Variants in SLC25A48 observed in about 807,000 individuals in gnomAD.
SLC25A48 encodes CTC-321K16.1.
Under a neutral mutation model 32.2 loss-of-function variants are expected in SLC25A48, and 29 were observed. That is an observed-to-expected ratio of 0.90 (90% CI 0.67 to 1.23). SLC25A48 has a LOEUF of 1.23. Among genes scored for constraint, SLC25A48 ranks in the 50% most tolerant of loss-of-function variants. The pLI is 0.00. For synonymous variants in SLC25A48, 164 were observed against 172.3 expected (o/e 0.95, Z 0.38); for missense variants, 399 against 422.7 (o/e 0.94, Z 0.49).
intron 3 of SLC25A48, among the ~76,000 whole-genome samples, chr5:135,735,155 G>A (rs772985424): frequency 6.6e-6 from 1 of 152,204 alleles, no homozygotes; most frequent in Non-Finnish European, 1.5e-5. Flanking sequence ...CCTTGGGGAG[G>A]GGGTCCTGGA....
In SLC25A48 at chr5:135,623,362, G is replaced by T. The variant is rs370370762; in HGVS notation, c.-848-5875G>T. Among the ~76,000 whole-genome samples the T allele has an allele frequency of 1.8e-4, 27 of 152,316 alleles. 1 individual carries two copies. The highest frequency in any genetic ancestry group is 6.3e-4 in the African/African-American group (26 of 41,574). Reference sequence around the variant, plus strand: ...AAGACAGCTGGTGGGGAATTCTGAAGACAGGTGTTTCCCCATCGGCATGGT... The same window carrying T: ...AAGACAGCTGGTGGGGAATTCTGAATACAGGTGTTTCCCCATCGGCATGGT... On this transcript the variant is annotated intron_variant, in intron 1 of 10. Coordinates refer to the SLC25A48 transcript ENST00000646290.
rs116136172 is a variant in SLC25A48 at position 135,756,198 on chromosome 5, C to T, written c.-520-56325C>T. ...AATATCATCTAGATATTTATAATAT[C>T]TAGTGTTAACACAAAATGATATCTA... On this transcript the variant is annotated intron_variant, in intron 3 of 10. Transcript: ENST00000646290. 6.6e-3 allele frequency among the ~76,000 whole-genome samples: 1,003 copies of T among 151,798 alleles called. 9 individuals carry two copies. The highest frequency in any genetic ancestry group is 0.023 in the African/African-American group (938 of 41,374).
intron 6 of SLC25A48, among the ~76,000 whole-genome samples, chr5:135,877,143 A>G (rs1762122578): frequency 6.6e-6 from 1 of 151,902 alleles, no homozygotes; most frequent in Non-Finnish European, 1.5e-5. Context: ...AAGTCCATGG[A>G]CTTGTCGAGG....
intron 3 of SLC25A48, among the ~76,000 whole-genome samples, chr5:135,683,489 G>A (rs1230810960): frequency 7.0e-6 from 1 of 143,168 alleles, no homozygotes; most frequent in African/African-American, 2.6e-5. Context: ...TTATAAGTGG[G>A]ATAAGGAATA....
chr5:135,709,968 C>T (rs1465119141), intron 3 of SLC25A48, among the ~76,000 whole-genome samples: 1 of 152,168 alleles, frequency 6.6e-6, no homozygotes, highest in African/African-American at 2.4e-5. Flanking sequence ...TTTACCAATT[C>T]CTGTGGGGTA....
rs550686149 is a variant in SLC25A48, at chr5:135,745,523, G to A, written c.-520-67000G>A. Among the ~76,000 whole-genome samples, 3 of 152,120 alleles carry A rather than the reference G, an allele frequency of 2.0e-5. No individual in the cohort carries two copies. In the South Asian group the frequency reaches 6.2e-4, roughly 32 times the overall value. ...TGGGGGGCCTGTTCCCAGCAACACAGCAAGATTCCCTCTGGAAAAAAGGCC... is the reference window on the plus strand; with the variant it reads ...TGGGGGGCCTGTTCCCAGCAACACAACAAGATTCCCTCTGGAAAAAAGGCC... On this transcript the variant is annotated intron_variant, in intron 3 of 10. Coordinates refer to the SLC25A48 transcript ENST00000646290.
At chr5:135,861,223 C>T (rs778049772) in intron 4 of SLC25A48, among the ~76,000 whole-genome samples, 1 of 152,086 alleles carries the variant, frequency 6.6e-6, no homozygotes, top group Non-Finnish European at 1.5e-5. Flanking sequence ...AATAGAAACA[C>T]TAACCATGTT....
At chr5:135,700,371 C>CCA (rs1754364197) in intron 3 of SLC25A48, among the ~76,000 whole-genome samples, 1 of 67,952 alleles carries the variant, frequency 1.5e-5, no homozygotes. Flanking sequence ...GACTCTGTCT[C>CCA]AAAAAAAAAA....
chr5:135,744,792 C>T (rs1755600553), intron 3 of SLC25A48, among the ~76,000 whole-genome samples: 1 of 151,860 alleles, frequency 6.6e-6, no homozygotes, highest in Admixed American at 6.6e-5. Flanking sequence ...ACCTGTAATC[C>T]CAGCTTTGGG....
chr5:135,854,160 A>G (rs1370904965), intron 4 of SLC25A48, among the ~76,000 whole-genome samples: 1 of 152,216 alleles, frequency 6.6e-6, no homozygotes, highest in Non-Finnish European at 1.5e-5. Flanking sequence ...CCTTTTCTAG[A>G]ACACACAGAG....
In SLC25A48 at chr5:135,789,934, A is replaced by G. The variant is rs538083371; in HGVS notation, c.-520-22589A>G. On this transcript the variant is annotated intron_variant, in intron 3 of 10. Transcript: ENST00000646290. ...CCTACAATATTACAAATAATTTCTC[A>G]AGGTGTACACTCACTGTGACATTAG... 1.2e-4 allele frequency among the ~76,000 whole-genome samples: 18 copies of G among 152,088 alleles called. No homozygotes were observed. The South Asian group carries it at 2.9e-3, about 24-fold the overall frequency.
chr5:135,584,733 G>A (rs1413485640), intron 1 of SLC25A48, among the ~76,000 whole-genome samples: 1 of 152,180 alleles, frequency 6.6e-6, no homozygotes. Context: ...CCCAACAATG[G>A]GGGATTAAGA....
At chr5:135,733,358 T>C (rs1399390447) in intron 3 of SLC25A48, among the ~76,000 whole-genome samples, 1 of 151,970 alleles carries the variant, frequency 6.6e-6, no homozygotes, top group African/African-American at 2.4e-5. Context: ...CAGAGAGATA[T>C]AGTCATGGGG....
chr5:135,822,907 A>T lies in SLC25A48; in HGVS notation c.-117+9981A>T, dbSNP rs1757929305. Among the ~76,000 whole-genome samples, 3 of 152,108 alleles carry T rather than the reference A, an allele frequency of 2.0e-5. No homozygotes were observed. In the South Asian group the frequency reaches 6.2e-4, roughly 32 times the overall value. On this transcript the variant is annotated intron_variant, in intron 4 of 10. Coordinates refer to the SLC25A48 transcript ENST00000646290. ...GAGAGAGGACCACAGAGCTCTGCAG[A>T]GTGTCTGGGAGTGGTAGAAACTCAG... is the stretch of plus-strand genomic sequence containing the variant.
intron 3 of SLC25A48, among the ~76,000 whole-genome samples, chr5:135,696,472 C>T (rs975767262): frequency 3.3e-5 from 5 of 152,092 alleles, no homozygotes; most frequent in African/African-American, 1.2e-4. Flanking sequence ...TCCAGAAGGG[C>T]AGGGATGCTC....
chr5:135,611,523 A>AAAAAAAAAGAAAAAG (rs1752067388), intron 1 of SLC25A48, among the ~76,000 whole-genome samples: 2 of 139,428 alleles, frequency 1.4e-5, no homozygotes, highest in African/African-American at 5.6e-5. Context: ...AAAAAAAAAA[A>AAAAAAAAAGAAAAAG]AAAAGAAAAA....
At chr5:135,647,870 C>G (rs1308487869) in intron 3 of SLC25A48, among the ~76,000 whole-genome samples, 1 of 152,148 alleles carries the variant, frequency 6.6e-6, no homozygotes, top group African/African-American at 2.4e-5. Flanking sequence ...TCTGGGAGCA[C>G]TGCTTGGAAA....
At chr5:135,668,689 A>G (rs1025737820) in intron 3 of SLC25A48, among the ~76,000 whole-genome samples, 21 of 152,212 alleles carry the variant, frequency 1.4e-4, no homozygotes, top group African/African-American at 5.1e-4. Context: ...GCCACCTTTG[A>G]CCTATGGACT....
chr5:135,698,326 T>A (rs1580794339), intron 3 of SLC25A48, among the ~76,000 whole-genome samples: 1 of 152,310 alleles, frequency 6.6e-6, no homozygotes, highest in East Asian at 1.9e-4. Context: ...TCAACTTAGC[T>A]TTTTCTTTGG....
Sources: allele counts gnomAD v4.1 joint callset (sites outside exome capture counted in the v4.1 genomes callset), GRCh38; gene constraint gnomAD v4.1.1; transcripts MANE v1.5; gene names NCBI Gene and HGNC (gene_info 2026-07-23, HGNC 2026-07-21).